Variants in OMA1 observed in about 807,000 individuals in gnomAD.
The protein encoded by OMA1 is metalloendopeptidase OMA1, mitochondrial.
A neutral mutation model predicts 30.9 loss-of-function variants in OMA1; 38 were observed. That is an observed-to-expected ratio of 1.23 (90% CI 0.95 to 1.61). The LOEUF is 1.61. OMA1 is among the 40% of genes most tolerant of loss of function. The pLI, the probability that OMA1 is intolerant of heterozygous loss-of-function variation, is 0.00. For synonymous variants in OMA1, 173 were observed against 121.9 expected, an observed-to-expected ratio of 1.42 and a Z score of -2.76; for missense variants, 461 against 349.2, an observed-to-expected ratio of 1.32 and a Z score of -2.55.
chr1:58,503,196 G>GA lies in OMA1; in HGVS notation c.1365+2863dup, dbSNP rs916502126. Reference sequence around the variant, plus strand: ...GAATTTCATTGAGCGAAAATAAAAAGAAAAAAAATTCAAGAGAAAATCATA... The same window carrying GA: ...GAATTTCATTGAGCGAAAATAAAAAGAAAAAAAAATTCAAGAGAAAATCATA... On this transcript the variant is annotated intron_variant, in intron 8 of 8. Transcript: ENST00000371226. 5.3e-5 allele frequency among the ~76,000 whole-genome samples: 8 copies of GA among 151,910 alleles called. No homozygotes were observed. In the South Asian group the frequency reaches 1.7e-3, roughly 32 times the overall value.
chr1:58,509,692 A>G (rs1195132525), intron 7 of OMA1, among the ~76,000 whole-genome samples: 2 of 151,672 alleles, frequency 1.3e-5, no homozygotes, highest in African/African-American at 4.8e-5. Context: ...ATAAAAAAAT[A>G]GAAAAAAATT....
intron 7 of OMA1, among the ~76,000 whole-genome samples, chr1:58,521,852 T>C (rs1449950837): frequency 3.9e-5 from 6 of 152,124 alleles, no homozygotes. Context: ...ATATAGCTAA[T>C]CTTACAAAAA....
intron 7 of OMA1, among the ~76,000 whole-genome samples, chr1:58,525,372 T>C (rs1184371230): frequency 2.0e-5 from 3 of 152,102 alleles, no homozygotes; most frequent in Admixed American, 2.0e-4. Context: ...GTCAACTGTA[T>C]ACAGATTGGA....
chr1:58,494,970 G>C (rs186823), intron 8 of OMA1, among the ~76,000 whole-genome samples: 1 of 152,104 alleles, frequency 6.6e-6, no homozygotes, highest in Non-Finnish European at 1.5e-5. Flanking sequence ...ACATGCACAC[G>C]TATGTTTATT....
intron 7 of OMA1, among the ~76,000 whole-genome samples, chr1:58,522,068 T>C (rs566775838): frequency 8.2e-4 from 125 of 152,302 alleles, no homozygotes; most frequent in Non-Finnish European, 1.2e-3. Flanking sequence ...ATTAGGTATA[T>C]TTCCCCAAAA....
chr1:58,483,508 A>G (rs1645524464), intron 8 of OMA1, among the ~76,000 whole-genome samples: 1 of 152,044 alleles, frequency 6.6e-6, no homozygotes. Flanking sequence ...ACATTACTTA[A>G]CGTGAAATTC....
intron 7 of OMA1, among the ~76,000 whole-genome samples, chr1:58,508,884 T>A (rs1237614109): frequency 6.7e-6 from 1 of 149,854 alleles, no homozygotes; most frequent in Non-Finnish European, 1.5e-5. Flanking sequence ...CATTCTAACA[T>A]TTCTGAGGGC....
chr1:58,505,740 C>T lies in OMA1; in HGVS notation c.1365+320G>A, dbSNP rs943083693. Among the ~76,000 whole-genome samples, 4 of 152,198 alleles carry T rather than the reference C, an allele frequency of 2.6e-5. No homozygotes were observed. The East Asian group carries it at 5.8e-4, about 22-fold the overall frequency. On this transcript the variant is annotated intron_variant, in intron 8 of 8. Transcript: ENST00000371226. ...AATCACCAAGGAAAGATTAAATTAT[C>T]ATCAACATGTTTAAAAAACTTAATA...
At chr1:58,541,204 G>A (rs1014127951) in intron 1 of OMA1, among the ~76,000 whole-genome samples, 1 of 146,582 alleles carries the variant, frequency 6.8e-6, no homozygotes. Context: ...TGAGGCAGGA[G>A]AATCGCTTGA....
At chr1:58,510,376 C>A (rs190704137) in intron 7 of OMA1, among the ~76,000 whole-genome samples, 10 of 152,148 alleles carry the variant, frequency 6.6e-5, no homozygotes, top group Non-Finnish European at 1.2e-4. Flanking sequence ...TAAAAAAACA[C>A]ATGATCATCT....
At chr1:58,499,143 A>G (rs1418476317) in intron 8 of OMA1, among the ~76,000 whole-genome samples, 1 of 152,120 alleles carries the variant, frequency 6.6e-6, no homozygotes, top group East Asian at 1.9e-4. Flanking sequence ...AGAAAGAAAA[A>G]TACTATACAG....
At chr1:58,487,027 A>G (rs570018616) in intron 8 of OMA1, among the ~76,000 whole-genome samples, 67 of 152,340 alleles carry the variant, frequency 4.4e-4, no homozygotes, top group African/African-American at 5.1e-4. Flanking sequence ...AACCAAGGAA[A>G]GGACATTACA....
At chr1:58,482,635 A>G (rs760488079) in intron 8 of OMA1, among the ~76,000 whole-genome samples, 16 of 152,188 alleles carry the variant, frequency 1.1e-4, no homozygotes, top group Non-Finnish European at 1.8e-4. Flanking sequence ...GTAAAATCTT[A>G]GAAAGACTAT....
At chr1:58,502,939 G>A (rs924645170) in intron 8 of OMA1, among the ~76,000 whole-genome samples, 5 of 152,048 alleles carry the variant, frequency 3.3e-5, no homozygotes, top group African/African-American at 7.2e-5. Flanking sequence ...AATGTCTCAC[G>A]TCTTTGTCTT....
chr1:58,532,981 T>C (rs1646458630), intron 5 of OMA1, among the ~76,000 whole-genome samples: 1 of 152,232 alleles, frequency 6.6e-6, no homozygotes, highest in South Asian at 2.1e-4. Flanking sequence ...TTAGAATCAT[T>C]ATCATTTCCA....
intron 8 of OMA1, among the ~76,000 whole-genome samples, chr1:58,504,372 C>T (rs1236984907): frequency 1.3e-5 from 2 of 152,136 alleles, no homozygotes; most frequent in African/African-American, 4.8e-5. Context: ...GCCTAAAAGG[C>T]TCTCTCTCCC....
rs1344932075 is a variant in OMA1, at chr1:58,538,952, C to G, written c.343G>C (p.Ala115Pro). The G allele has an allele frequency of 3.4e-6, 3 of 872,890 alleles. No homozygotes were observed. The highest frequency in any genetic ancestry group is 1.7e-5 in the Admixed American group (1 of 59,172). The allele number at this position is 872,890 out of a possible 1,614,324, so 54.1% of individuals were successfully genotyped here. ...TGCAATACTGACAGACTAGGGACTG[C>G]TGTAACTTCTTTTATTAGCAGCTGT... is the stretch of plus-strand genomic sequence containing the variant. ...SRQLLIKEVT[A>P]VPSLSVLHPL... is the part of the protein sequence containing the mutation. The change falls in exon 2 of 9, where the codon GCA (alanine) becomes CCA (proline). Residue 115 changes from alanine (A) to proline (P), a missense_variant. Physicochemically the swap from Ala to Pro is conservative, Grantham distance 27. Transcript: ENST00000371226.
intron 2 of OMA1, among the ~76,000 whole-genome samples, 161 bp from the exon 3 acceptor site, chr1:58,536,902 A>G (rs1372260860): frequency 6.6e-6 from 1 of 152,208 alleles, no homozygotes; most frequent in Non-Finnish European, 1.5e-5. Context: ...TCTTAGCTAA[A>G]TGATGAAAAA....
At chr1:58,494,955 A>G (rs1645770051) in intron 8 of OMA1, among the ~76,000 whole-genome samples, 1 of 152,226 alleles carries the variant, frequency 6.6e-6, no homozygotes, top group African/African-American at 2.4e-5. Context: ...TGCTGCTATA[A>G]AGACACATGC....
Sources: allele counts gnomAD v4.1 joint callset (sites outside exome capture counted in the v4.1 genomes callset), GRCh38; gene constraint gnomAD v4.1.1; transcripts MANE v1.5; gene names NCBI Gene and HGNC (gene_info 2026-07-23, HGNC 2026-07-21).